Variants in APOL4 observed in about 807,000 individuals in gnomAD.
The protein encoded by APOL4 is apolipoprotein L, 4.
A neutral mutation model predicts 12.1 loss-of-function variants in APOL4; 14 were observed. That is an observed-to-expected ratio of 1.16 (90% CI 0.76 to 1.81). The LOEUF (loss-of-function observed/expected upper bound fraction) is 1.81. Among genes scored for constraint, APOL4 ranks in the 40% most tolerant of loss-of-function variants. APOL4 has a pLI of 0.00. For missense variants in APOL4, 432 were observed against 423.1 expected, an observed-to-expected ratio of 1.02 and a Z score of -0.18; for synonymous variants, 171 against 160.6, an observed-to-expected ratio of 1.06 and a Z score of -0.49.
intron 2 of APOL4, 22 bp from the exon 3 acceptor site, chr22:36,195,459 A>C: frequency 6.2e-7 from 1 of 1,609,652 alleles, no homozygotes; most frequent in Non-Finnish European, 8.5e-7. Flanking sequence ...CAAAAAGGAT[A>C]AGATTGGAAG....
intron 2 of APOL4, among the ~76,000 whole-genome samples, chr22:36,196,101 C>T (rs1277234656): frequency 6.6e-6 from 1 of 152,210 alleles, no homozygotes; most frequent in Non-Finnish European, 1.5e-5. Context: ...GTTTTCTCCC[C>T]ATGTACGGGA....
chr22:36,196,641 C>A (rs939131867), intron 2 of APOL4, among the ~76,000 whole-genome samples: 4 of 152,152 alleles, frequency 2.6e-5, no homozygotes, highest in African/African-American at 7.2e-5. Context: ...GGCTGGGAAC[C>A]AGTTTGTATT....
chr22:36,198,856 G>A (rs952860344), intron 2 of APOL4, among the ~76,000 whole-genome samples: 2 of 152,200 alleles, frequency 1.3e-5, no homozygotes, highest in East Asian at 1.9e-4. Flanking sequence ...CAGAGCAGAG[G>A]GGCTGGTGCA....
At chr22:36,202,255 C>T (rs6000182), upstream of APOL4, among the ~76,000 whole-genome samples, 13,433 of 152,108 alleles carry the variant, frequency 0.088, 599 homozygotes, top group Non-Finnish European at 0.1. Flanking sequence ...TACAGGTGCA[C>T]GCTACCATGC....
intron 1 of APOL4, 98 bp downstream of exon 1, chr22:36,201,602 G>T (rs2014579412): frequency 8.9e-7 from 1 of 1,124,694 alleles, no homozygotes. Context: ...GACCCCCTAG[G>T]CCAAGGCAAC....
intron 2 of APOL4, chr22:36,197,698 G>T (rs1340950094): frequency 1.3e-6 from 2 of 1,550,382 alleles, no homozygotes; most frequent in Non-Finnish European, 1.7e-6. Flanking sequence ...CTGACAGAGG[G>T]CCATGCTGAG....
Sources: allele counts gnomAD v4.1 joint callset (sites outside exome capture counted in the v4.1 genomes callset), GRCh38; gene constraint gnomAD v4.1.1; transcripts MANE v1.5; gene names NCBI Gene and HGNC (gene_info 2026-07-23, HGNC 2026-07-21).